Variants in INTS8 observed in about 807,000 individuals in gnomAD.
The protein encoded by INTS8 is protein kaonashi-1.
In INTS8, 47 loss-of-function variants were observed where a neutral mutation model predicts 138.9. The ratio of observed to expected loss-of-function variants is 0.34; its 90% CI spans 0.27 to 0.43. The LOEUF is 0.43. INTS8 is among the 20% of genes least tolerant of loss of function. The pLI is 1.00. For missense variants in INTS8, 996 were observed against 1,173.0 expected, an observed-to-expected ratio of 0.85 and a Z score of 2.20; for synonymous variants, 392 against 400.9, an observed-to-expected ratio of 0.98 and a Z score of 0.27.
intron 20 of INTS8, among the ~76,000 whole-genome samples, chr8:94,870,125 C>T (rs1183620372): frequency 6.6e-6 from 1 of 151,598 alleles, no homozygotes; most frequent in Non-Finnish European, 1.5e-5. Context: ...GATCTTGGCT[C>T]ACTGCAAGCT....
At chr8:94,859,878 AT>A (rs2131047593) in intron 16 of INTS8, 1 of 412,778 alleles carries the variant, frequency 2.4e-6, no homozygotes, top group South Asian at 2.5e-5. Context: ...CAGATAACAC[AT>A]TGGTGTAATC....
At chr8:94,823,802 C>T (rs1044172442) in intron 1 of INTS8, among the ~76,000 whole-genome samples, 3 of 152,210 alleles carry the variant, frequency 2.0e-5, no homozygotes, top group African/African-American at 7.2e-5. Flanking sequence ...CATCCTAAAC[C>T]CTTTGGTCCT....
At position 94,862,988 on chromosome 8, in the gene INTS8, T is replaced by C. The variant is rs547200513; in HGVS notation, c.2077-2518T>C. ...ATAGGAACATATTTTCCTACTCATA[T>C]ATTACGTAATCACAAATAGGAACAG... On this transcript the variant is annotated intron_variant, in intron 16 of 26. Transcript: ENST00000523731. Among the ~76,000 whole-genome samples the C allele has an allele frequency of 5.3e-5, 8 of 152,328 alleles. No individual in the cohort carries two copies. In the South Asian group the frequency reaches 1.4e-3, roughly 28 times the overall value.
intron 18 of INTS8, 28 bp from the exon 19 acceptor site, chr8:94,867,112 T>A (rs758287319): frequency 6.5e-7 from 1 of 1,544,408 alleles, no homozygotes; most frequent in Non-Finnish European, 8.9e-7. Flanking sequence ...ATACACTGTT[T>A]AAGGATTCTG....
chr8:94,825,549 T>C (rs984804518), intron 2 of INTS8, among the ~76,000 whole-genome samples: 2 of 152,134 alleles, frequency 1.3e-5, no homozygotes, highest in African/African-American at 4.8e-5. Flanking sequence ...ATTTCTCAAG[T>C]GACTTTTACA....
intron 14 of INTS8, 52 bp from the exon 15 acceptor site, chr8:94,856,725 T>A (rs1815759809): frequency 6.7e-7 from 1 of 1,487,244 alleles, no homozygotes; most frequent in Non-Finnish European, 9.4e-7. Flanking sequence ...AAGGCACACA[T>A]TTTTTGGCGC....
intron 16 of INTS8, among the ~76,000 whole-genome samples, chr8:94,862,684 CTGG>C (rs1354014804): frequency 1.3e-5 from 2 of 152,198 alleles, no homozygotes; most frequent in African/African-American, 4.8e-5. Context: ...CATATGTCAT[CTGG>C]TGGTTAGGGT....
At chr8:94,843,735 G>A (rs2131018813) in intron 10 of INTS8, among the ~76,000 whole-genome samples, 1 of 152,068 alleles carries the variant, frequency 6.6e-6, no homozygotes, top group African/African-American at 2.4e-5. Context: ...CATATATCTA[G>A]GTGTGCATAC....
intron 6 of INTS8, among the ~76,000 whole-genome samples, chr8:94,834,703 C>CAA (rs1180267625): frequency 4.7e-5 from 4 of 85,076 alleles, no homozygotes; most frequent in Non-Finnish European, 4.9e-5. Context: ...AACTCCATCT[C>CAA]AAAAAAAAAA....
In INTS8 at chr8:94,880,300, T is replaced by TTTAA; in HGVS notation, c.*66_*67insTTAA. ...CTAAAAATAAACAGTATTAAAAGGT[T>TTTAA]AAGTTTATATAATACATATGTACAC... On this transcript the variant is annotated 3_prime_UTR_variant, in exon 27 of 27. Coordinates refer to ENST00000523731, the MANE Select transcript of INTS8 (RefSeq NM_017864.4). 1 of 780,434 alleles carries TTTAA rather than the reference T, an allele frequency of 1.3e-6. No individual in the cohort carries two copies. The highest frequency in any genetic ancestry group is 2.1e-6 in the Non-Finnish European group (1 of 472,070). The allele number at this position is 780,434 out of a possible 1,614,324, so 48.3% of individuals were successfully genotyped here.
chr8:94,827,431 G>T, intron 3 of INTS8, 28 bp downstream of exon 3: 3 of 1,611,152 alleles, frequency 1.9e-6, no homozygotes, highest in Non-Finnish European at 2.5e-6. Context: ...CTCAGAAGGC[G>T]TTGGGCAACC....
rs1291175293 is a variant in INTS8 at position 94,865,576 on chromosome 8, A to C, written c.2147A>C (p.Asp716Ala). ...AAAGAAAGTAGACGGACTGCCAAAG[A>C]CCTTTGGGAAGTTGTTGTTCAAATC... ...GPKESRRTAK[D>A]LWEVVVQICS... The change falls in exon 17 of 27, where the codon GAC becomes GCC. Residue 716 changes from aspartate (D) to alanine (A), a missense_variant. Physicochemically the swap from Asp to Ala is moderately radical, Grantham distance 126. Coordinates refer to ENST00000523731, the MANE Select transcript of INTS8 (RefSeq NM_017864.4). 1.9e-6 allele frequency: 3 copies of C among 1,614,008 alleles called. No individual in the cohort carries two copies. Among genetic ancestry groups the C allele is most frequent in the Non-Finnish European group, 2.5e-6 (3 of 1,179,984 alleles).
At chr8:94,828,005 A>T (rs957847254) in intron 4 of INTS8, among the ~76,000 whole-genome samples, 2 of 151,416 alleles carry the variant, frequency 1.3e-5, no homozygotes, top group Admixed American at 1.3e-4. Context: ...TGCTTTGGGA[A>T]TTGTGCCATT....
intron 12 of INTS8, among the ~76,000 whole-genome samples, chr8:94,850,796 A>T (rs886446558): frequency 3.3e-5 from 5 of 151,626 alleles, no homozygotes; most frequent in Non-Finnish European, 5.9e-5. Context: ...CTGACTGAAC[A>T]GCTTGGCAGT....
At chr8:94,851,078 C>G (rs1815525812) in intron 12 of INTS8, among the ~76,000 whole-genome samples, 1 of 152,118 alleles carries the variant, frequency 6.6e-6, no homozygotes, top group African/African-American at 2.4e-5. Flanking sequence ...GATATCTGAG[C>G]TGTAATTAGG....
rs930629270 is a variant in INTS8 at position 94,874,500 on chromosome 8, T to C, written c.2638-52T>C. 3.0e-6 allele frequency: 3 copies of C among 1,008,920 alleles called. No individual in the cohort carries two copies. The African/African-American group carries it at 4.7e-5, about 16-fold the overall frequency. The allele number at this position is 1,008,920 out of a possible 1,614,324, so 62.5% of individuals were successfully genotyped here. A position where few individuals can be genotyped will look rare whatever the true frequency, so the allele number is the denominator to read the frequency against. ...TCCCATACCAGAGTGACACATTTGT[T>C]AGAATCCATGTTAGCTGGTTTTTGA... On this transcript the variant is annotated intron_variant, in intron 22 of 26. Transcript: ENST00000523731.
chr8:94,823,735 A>T (rs567398064), intron 1 of INTS8, among the ~76,000 whole-genome samples, 174 bp downstream of exon 1: 1 of 152,240 alleles, frequency 6.6e-6, no homozygotes, highest in Non-Finnish European at 1.5e-5. Flanking sequence ...GTGGAGGGTC[A>T]AAGAAAAGCT....
At chr8:94,841,712 A>AT (rs1488764298) in intron 9 of INTS8, 121 bp downstream of exon 9, 1 of 613,434 alleles carries the variant, frequency 1.6e-6, no homozygotes, top group Admixed American at 2.9e-5. Context: ...TGTTGTTAAT[A>AT]TAAGGGAAAT....
intron 1 of INTS8, among the ~76,000 whole-genome samples, chr8:94,824,119 A>G (rs1418833628): frequency 1.3e-5 from 2 of 152,226 alleles, no homozygotes; most frequent in Admixed American, 6.5e-5. Flanking sequence ...TTGTATAGTG[A>G]TGATAATGAT....
Sources: allele counts gnomAD v4.1 joint callset (sites outside exome capture counted in the v4.1 genomes callset), GRCh38; gene constraint gnomAD v4.1.1; transcripts MANE v1.5; gene names NCBI Gene and HGNC (gene_info 2026-07-23, HGNC 2026-07-21).